HCN1: variants seen among roughly 807,000 people sequenced by gnomAD.
The protein encoded by HCN1 is hyperpolarization activated cyclic nucleotide gated potassium channel 1.
Under a neutral mutation model 78.9 loss-of-function variants are expected in HCN1, and 13 were observed. That is an observed-to-expected ratio of 0.16 (90% CI 0.11 to 0.26). HCN1 has a LOEUF of 0.26. HCN1 is among the 10% of genes least tolerant of loss of function. The pLI, the probability that HCN1 is intolerant of heterozygous loss-of-function variation, is 1.00. For synonymous variants in HCN1, 552 were observed against 455.5 expected (o/e 1.21, Z -2.70); for missense variants, 810 against 1,154.3 (o/e 0.70, Z 4.32).
At chr5:45,631,609 T>A (rs1380672430) in intron 2 of HCN1, among the ~76,000 whole-genome samples, 4 of 152,150 alleles carry the variant, frequency 2.6e-5, no homozygotes, top group African/African-American at 4.8e-5. Flanking sequence ...ACTCACAGAC[T>A]ACATACTGGA....
Position 45,262,640 on chromosome 5 carries a change from A to G in HCN1, c.1954T>C (p.Ser652Pro). ...PQMTTLNSTS[S>P]TTTPTSRMRT... ...ATGCGGGAGGTCGGGGTCGTAGTAG[A>G]CGATGTGGAATTCAGGGTTGTCATT... Residue 652 changes from serine (S) to proline (P), a missense_variant, in exon 8 of 8, where the codon TCT (serine) becomes CCT (proline). Physicochemically the swap from Ser to Pro is moderately conservative, Grantham distance 74. This residue lies in a region of HCN1 where 398 missense variants were observed against 381.3 expected (regional missense o/e 1.04). Transcript: ENST00000303230. The G allele has an allele frequency of 6.2e-7, 1 of 1,614,008 alleles. No individual in the cohort carries two copies. Among genetic ancestry groups the G allele is most frequent in the Non-Finnish European group, 8.5e-7 (1 of 1,180,012 alleles).
intron 1 of HCN1, among the ~76,000 whole-genome samples, chr5:45,672,299 G>A (rs528349399): frequency 5.2e-4 from 78 of 151,420 alleles, no homozygotes; most frequent in Admixed American, 1.3e-3. Context: ...TATTATTCTC[G>A]TACAGAATTT....
At chr5:45,360,106 A>G (rs1561123414) in intron 4 of HCN1, among the ~76,000 whole-genome samples, 1 of 151,408 alleles carries the variant, frequency 6.6e-6, no homozygotes, top group Non-Finnish European at 1.5e-5. Flanking sequence ...TATTAGAAAT[A>G]TCATTAAAAA....
intron 2 of HCN1, among the ~76,000 whole-genome samples, chr5:45,632,072 T>C (rs971932545): frequency 3.3e-5 from 5 of 152,070 alleles, no homozygotes; most frequent in Admixed American, 3.3e-4. Context: ...TTTATACAAA[T>C]GTTGTGGGTT....
intron 5 of HCN1, 146 bp from the exon 6 acceptor site, chr5:45,303,985 T>C (rs1745677374): frequency 1.3e-6 from 1 of 757,208 alleles, no homozygotes; most frequent in Non-Finnish European, 2.2e-6. Flanking sequence ...ATGCGCATCA[T>C]ATTACAGTCA....
chr5:45,659,818 C>A (rs1365080032), intron 1 of HCN1, among the ~76,000 whole-genome samples: 1 of 112,590 alleles, frequency 8.9e-6, no homozygotes, highest in African/African-American at 4.0e-5. Context: ...AAGACCAAAT[C>A]TACGTCTGAT....
intron 2 of HCN1, among the ~76,000 whole-genome samples, chr5:45,612,225 G>C (rs1201939830): frequency 6.6e-6 from 1 of 152,040 alleles, no homozygotes; most frequent in African/African-American, 2.4e-5. Context: ...TCAAGTACTA[G>C]ATCAAGTCCT....
rs1004752176 is a variant in HCN1 at position 45,334,925 on chromosome 5, G to GA, written c.1377+18174dup. ...AAAAAATCAACAAGTGTGTAGTTTA[G>GA]AAAAGATGATTCAGAATTACACTAA... On this transcript the variant is annotated intron_variant, in intron 5 of 7. Transcript: ENST00000303230. 6.9e-4 allele frequency among the ~76,000 whole-genome samples: 105 copies of GA among 151,950 alleles called. 1 individual carries two copies. Among genetic ancestry groups the GA allele is most frequent in the African/African-American group, 2.5e-3 (102 of 41,420 alleles).
chr5:45,581,284 A>G (rs1744066264), intron 2 of HCN1, among the ~76,000 whole-genome samples: 2 of 152,126 alleles, frequency 1.3e-5, no homozygotes, highest in South Asian at 2.1e-4. Context: ...TTCTCTGATG[A>G]CCAGTGATGA....
intron 2 of HCN1, among the ~76,000 whole-genome samples, chr5:45,475,697 T>C (rs1176265109): frequency 6.6e-6 from 1 of 152,174 alleles, no homozygotes; most frequent in Admixed American, 6.6e-5. Context: ...CAGCATTGAT[T>C]CTGGCCTCCA....
intron 2 of HCN1, among the ~76,000 whole-genome samples, chr5:45,549,443 T>A (rs1406217658): frequency 6.6e-6 from 1 of 152,136 alleles, no homozygotes; most frequent in Non-Finnish European, 1.5e-5. Flanking sequence ...TGGCTAGCCA[T>A]ATGTAGAAAG....
intron 1 of HCN1, among the ~76,000 whole-genome samples, chr5:45,679,813 C>T (rs1224706347): frequency 3.9e-5 from 6 of 151,990 alleles, no homozygotes; most frequent in Admixed American, 6.6e-5. Flanking sequence ...GGCTGTATTT[C>T]GTAAATGTCT....
chr5:45,517,540 A>AC (rs1236409520), intron 2 of HCN1, among the ~76,000 whole-genome samples: 1 of 150,870 alleles, frequency 6.6e-6, no homozygotes, highest in Non-Finnish European at 1.5e-5. Flanking sequence ...AAAAAAAAAA[A>AC]AAAACATGAT....
intron 2 of HCN1, among the ~76,000 whole-genome samples, chr5:45,523,882 A>T (rs376951625): frequency 6.6e-6 from 1 of 152,168 alleles, no homozygotes; most frequent in East Asian, 1.9e-4. Flanking sequence ...CCATTTGTCA[A>T]TTTTGGCTTT....
At chr5:45,269,061 T>C (rs955014449) in intron 6 of HCN1, among the ~76,000 whole-genome samples, 2 of 152,252 alleles carry the variant, frequency 1.3e-5, no homozygotes, top group Non-Finnish European at 2.9e-5. Context: ...AGAAGCCACA[T>C]ACTGTGTGAT....
chr5:45,429,080 G>A (rs1470901779), intron 3 of HCN1, among the ~76,000 whole-genome samples: 1 of 152,038 alleles, frequency 6.6e-6, no homozygotes, highest in Non-Finnish European at 1.5e-5. Context: ...AACCTTTAGA[G>A]GTTTGAATTA....
Position 45,524,532 on chromosome 5 carries a change from T to C in HCN1, c.850-62525A>G, listed in dbSNP as rs59151264. 8.5e-3 allele frequency among the ~76,000 whole-genome samples: 1,296 copies of C among 152,304 alleles called. 24 individuals carry two copies. Among genetic ancestry groups the C allele is most frequent in the African/African-American group, 0.031 (1,269 of 41,568 alleles). ...TCCATTTGTATCCTCTTTTATTTCA[T>C]TGAGCAGTGGTTTGTAGTTCTCCTT... On this transcript the variant is annotated intron_variant, in intron 2 of 7. Coordinates refer to ENST00000303230, the MANE Select transcript of HCN1 (RefSeq NM_021072.4).
intron 2 of HCN1, among the ~76,000 whole-genome samples, chr5:45,608,123 A>T (rs1744759534): frequency 6.6e-6 from 1 of 152,004 alleles, no homozygotes; most frequent in Non-Finnish European, 1.5e-5. Context: ...ACTATTTAAA[A>T]TAAGAACTTC....
Position 45,259,551 on chromosome 5 carries a change from A to C in HCN1, c.*2370T>G, listed in dbSNP as rs573273636. 6.6e-6 allele frequency: 1 copy of C among 152,338 alleles called. No homozygotes were observed. The highest frequency in any genetic ancestry group is 1.5e-5 in the Non-Finnish European group (1 of 67,882). 9.4% of individuals were successfully genotyped at this position (152,338 alleles called of 1,614,324 possible). On this transcript the variant is annotated 3_prime_UTR_variant, in exon 8 of 8. Coordinates refer to ENST00000303230, the MANE Select transcript of HCN1 (RefSeq NM_021072.4). ...CATTTTTTTTTCTTAATCTAAGTATATATACATTCATACATATATGTATAT... is the reference window on the plus strand; with the variant it reads ...CATTTTTTTTTCTTAATCTAAGTATCTATACATTCATACATATATGTATAT...
Sources: gnomAD v4.1 joint callset for allele counts (sites outside exome capture counted in the v4.1 genomes callset) on GRCh38, gnomAD v4.1.1 for gene constraint, gnomAD v4.1.1 regional missense constraint, MANE v1.5 for transcripts, NCBI Gene and HGNC (gene_info 2026-07-23, HGNC 2026-07-21) for gene names.